The following DPP10 variants were observed in gnomAD, a reference collection of about 807,000 sequenced individuals.
The protein encoded by DPP10 is dipeptidyl peptidase like 10.
Under a neutral mutation model 120.9 loss-of-function variants are expected in DPP10, and 33 were observed. That is an observed-to-expected ratio of 0.27 (90% CI 0.21 to 0.37). The LOEUF is 0.37. Ranked by LOEUF, DPP10 falls within the 10% of genes least tolerant of loss-of-function variation. DPP10 has a pLI of 1.00. For missense variants in DPP10, 816 were observed against 942.8 expected (o/e 0.87, Z 1.76); for synonymous variants, 337 against 326.1 (o/e 1.03, Z -0.36).
intron 1 of DPP10, among the ~76,000 whole-genome samples, chr2:114,467,983 T>C (rs919268347): frequency 6.6e-6 from 1 of 152,176 alleles, no homozygotes; most frequent in Non-Finnish European, 1.5e-5. Context: ...TTGCAGCCAC[T>C]GCACTTCAGT....
At chr2:115,476,311 A>G (rs2075075070) in intron 3 of DPP10, among the ~76,000 whole-genome samples, 2 of 152,262 alleles carry the variant, frequency 1.3e-5, no homozygotes, top group Non-Finnish European at 2.9e-5. Context: ...CTCATTCTGC[A>G]GCCGTGTAAG....
chr2:114,580,212 A>T (rs1690385587), intron 1 of DPP10, among the ~76,000 whole-genome samples: 3 of 152,142 alleles, frequency 2.0e-5, no homozygotes, highest in African/African-American at 7.2e-5. Flanking sequence ...TTCTTAACCC[A>T]CACTTCCCCA....
chr2:115,575,329 G>A (rs1214127365), intron 5 of DPP10, among the ~76,000 whole-genome samples: 1 of 152,180 alleles, frequency 6.6e-6, no homozygotes, highest in African/African-American at 2.4e-5. Flanking sequence ...AAGAAAGTGA[G>A]TGTTTGGTAC....
intron 20 of DPP10, 81 bp from the exon 21 acceptor site, chr2:115,815,594 G>A: frequency 3.3e-6 from 4 of 1,227,194 alleles, no homozygotes; most frequent in Non-Finnish European, 4.6e-6. Flanking sequence ...CTATTGTTTT[G>A]TATGTATGCA....
chr2:115,106,941 G>A (rs1256213024), intron 1 of DPP10, among the ~76,000 whole-genome samples: 1 of 152,026 alleles, frequency 6.6e-6, no homozygotes, highest in African/African-American at 2.4e-5. Flanking sequence ...CAGGCGTGGT[G>A]GCAGGTGCCT....
chr2:115,442,098 C>CACTG (rs1035165479), intron 3 of DPP10, among the ~76,000 whole-genome samples: 51 of 152,046 alleles, frequency 3.4e-4, no homozygotes, highest in Non-Finnish European at 3.5e-4. Flanking sequence ...AGACATGAGC[C>CACTG]ACTGCATCCA....
intron 1 of DPP10, chr2:115,297,387 G>A (rs1028182578): frequency 2.5e-5 from 5 of 200,194 alleles, no homozygotes; most frequent in South Asian, 2.4e-4. Context: ...TCCACATTAG[G>A]TATAGATTAT....
At chr2:114,976,280 C>T (rs989259380) in intron 1 of DPP10, among the ~76,000 whole-genome samples, 3 of 152,034 alleles carry the variant, frequency 2.0e-5, no homozygotes, top group Non-Finnish European at 4.4e-5. Context: ...TTGCTTTATT[C>T]AGCATTTATA....
At chr2:114,508,652 C>G (rs1683878559) in intron 1 of DPP10, among the ~76,000 whole-genome samples, 1 of 152,056 alleles carries the variant, frequency 6.6e-6, no homozygotes, top group Non-Finnish European at 1.5e-5. Context: ...ATCAGAGCAT[C>G]TAAGTTGTGT....
At chr2:115,185,704 A>G (rs1315111701) in intron 1 of DPP10, among the ~76,000 whole-genome samples, 1 of 152,224 alleles carries the variant, frequency 6.6e-6, no homozygotes, top group Non-Finnish European at 1.5e-5. Flanking sequence ...ACAGATATTT[A>G]ATGATATCCA....
intron 11 of DPP10, among the ~76,000 whole-genome samples, chr2:115,757,041 C>T (rs1376527556): frequency 6.6e-6 from 1 of 152,090 alleles, no homozygotes; most frequent in African/African-American, 2.4e-5. Flanking sequence ...AATACTGTTG[C>T]AATCACACAA....
chr2:114,482,916 A>G (rs545807366), intron 1 of DPP10, among the ~76,000 whole-genome samples: 1 of 152,340 alleles, frequency 6.6e-6, no homozygotes, highest in South Asian at 2.1e-4. Context: ...CAAAGTCTCC[A>G]CAACATCTGC....
intron 1 of DPP10, among the ~76,000 whole-genome samples, chr2:114,877,744 T>C (rs960715455): frequency 6.6e-6 from 1 of 152,026 alleles, no homozygotes; most frequent in Non-Finnish European, 1.5e-5. Context: ...TCTTTGAGTG[T>C]GGGTGGGACC....
chr2:115,483,217 C>T (rs867894050), intron 3 of DPP10, among the ~76,000 whole-genome samples: 8 of 152,098 alleles, frequency 5.3e-5, no homozygotes, highest in South Asian at 4.2e-4. Context: ...GAAGGTACTT[C>T]ATTTTTAATA....
intron 1 of DPP10, among the ~76,000 whole-genome samples, chr2:114,944,749 A>C (rs1448209492): frequency 6.6e-6 from 1 of 152,182 alleles, no homozygotes; most frequent in East Asian, 1.9e-4. Context: ...CAGCACTACA[A>C]AATAAATATT....
At chr2:114,814,410 C>T (rs1436922243) in intron 1 of DPP10, among the ~76,000 whole-genome samples, 2 of 150,656 alleles carry the variant, frequency 1.3e-5, no homozygotes, top group East Asian at 1.9e-4. Flanking sequence ...TTTTTTTCCT[C>T]GACATTAGTA....
At chr2:114,749,604 T>G (rs574450861) in intron 1 of DPP10, among the ~76,000 whole-genome samples, 5 of 151,392 alleles carry the variant, frequency 3.3e-5, no homozygotes, top group African/African-American at 7.3e-5. Context: ...TTTTATTTTT[T>G]GAGACAGAGT....
intron 1 of DPP10, among the ~76,000 whole-genome samples, chr2:114,951,005 T>A (rs1697744996): frequency 6.6e-6 from 1 of 152,204 alleles, no homozygotes; most frequent in Non-Finnish European, 1.5e-5. Context: ...TAATTGTTAT[T>A]CACTATTGCA....
At chr2:115,551,617 A>G (rs1006342) in intron 5 of DPP10, among the ~76,000 whole-genome samples, 31,717 of 152,118 alleles carry the variant, frequency 0.21, 4,547 homozygotes, top group African/African-American at 0.4. Flanking sequence ...GTGAAAGATA[A>G]CATGACATTC....
Sources: allele counts gnomAD v4.1 joint callset (sites outside exome capture counted in the v4.1 genomes callset), GRCh38; gene constraint gnomAD v4.1.1; transcripts MANE v1.5; gene names NCBI Gene and HGNC (gene_info 2026-07-23, HGNC 2026-07-21).